TRIQK: variants seen among roughly 807,000 people sequenced by gnomAD.
The protein encoded by TRIQK is triple QxxK/R motif-containing protein.
A neutral mutation model predicts 10.8 loss-of-function variants in TRIQK; 10 were observed. The ratio of observed to expected loss-of-function variants is 0.92; its 90% CI spans 0.57 to 1.57. The LOEUF (loss-of-function observed/expected upper bound fraction) is 1.57, where lower values mean the gene tolerates loss of function less well. Among genes scored for constraint, TRIQK ranks in the 40% most tolerant of loss-of-function variants. TRIQK has a pLI of 0.00. For synonymous variants in TRIQK, 33 were observed against 33.7 expected (o/e 0.98, Z 0.07); for missense variants, 107 against 97.7 (o/e 1.09, Z -0.40).
chr8:92,921,238 G>C (rs1245347738), intron 2 of TRIQK, among the ~76,000 whole-genome samples: 1 of 151,618 alleles, frequency 6.6e-6, no homozygotes, highest in Non-Finnish European at 1.5e-5. Context: ...CCTTGGCTTG[G>C]AGCTAGAAGC....
chr8:92,995,182 T>C (rs928199281), intron 1 of TRIQK, among the ~76,000 whole-genome samples: 6 of 152,068 alleles, frequency 3.9e-5, no homozygotes, highest in African/African-American at 1.4e-4. Flanking sequence ...CTGAGAATTA[T>C]GTCTTTGCTA....
At chr8:92,935,035 C>A (rs1810912985) in intron 2 of TRIQK, among the ~76,000 whole-genome samples, 1 of 151,638 alleles carries the variant, frequency 6.6e-6, no homozygotes, top group African/African-American at 2.4e-5. Flanking sequence ...AAACAAAAAA[C>A]CAGAAGTTCT....
chr8:93,017,353 T>C (rs1813395581), intron 1 of TRIQK, among the ~76,000 whole-genome samples: 1 of 152,166 alleles, frequency 6.6e-6, no homozygotes, highest in African/African-American at 2.4e-5. Flanking sequence ...ACCTCTATTA[T>C]GATCAGGTCT....
At chr8:93,015,974 C>T (rs752695698) in intron 1 of TRIQK, among the ~76,000 whole-genome samples, 5 of 152,018 alleles carry the variant, frequency 3.3e-5, no homozygotes, top group Non-Finnish European at 7.4e-5. Context: ...CAGAACTTTC[C>T]TGAGCTATGC....
chr8:92,919,784 A>C (rs1810078375), intron 2 of TRIQK, among the ~76,000 whole-genome samples: 1 of 151,668 alleles, frequency 6.6e-6, no homozygotes, highest in African/African-American at 2.4e-5. Context: ...TCTTTGATGG[A>C]AGATTTTTTA....
chr8:92,908,059 G>A (rs145213225), intron 3 of TRIQK, among the ~76,000 whole-genome samples: 3 of 151,964 alleles, frequency 2.0e-5, no homozygotes. Context: ...TTTCATGGGA[G>A]CTTCCTTAGT....
At chr8:93,003,309 GGAGAGAGAGA>G (rs71565204) in intron 1 of TRIQK, among the ~76,000 whole-genome samples, 15 of 135,610 alleles carry the variant, frequency 1.1e-4, no homozygotes, top group Admixed American at 2.9e-4. Context: ...CCCGCTTACA[GGAGAGAGAGA>G]GAGAGAGAGA....
chr8:92,916,840 T>C (rs896411789), intron 3 of TRIQK, 89 bp downstream of exon 3: 9 of 946,032 alleles, frequency 9.5e-6, no homozygotes, highest in Non-Finnish European at 1.3e-5. Flanking sequence ...GTGTATCATA[T>C]GTATTAGAGA....
At chr8:93,006,952 C>T (rs1264047412) in intron 1 of TRIQK, among the ~76,000 whole-genome samples, 1 of 152,164 alleles carries the variant, frequency 6.6e-6, no homozygotes, top group African/African-American at 2.4e-5. Flanking sequence ...CTGGGCAGTT[C>T]CGACGAGTGG....
rs552084662 is a variant in TRIQK at position 92,896,547 on chromosome 8, C to T, written c.62-4473G>A. ...GAAAGAACCAGTCAAGAGACTCCAA[C>T]CTGTGAGAGCTGCTGGGTGGTTTGA... On this transcript the variant is annotated intron_variant, in intron 3 of 4. Coordinates refer to ENST00000521988, the MANE Select transcript of TRIQK (RefSeq NM_001171797.2). Among the ~76,000 whole-genome samples the T allele has an allele frequency of 8.5e-5, 13 of 152,280 alleles. No individual in the cohort carries two copies. In the South Asian group the frequency reaches 2.7e-3, roughly 32 times the overall value.
At chr8:92,975,292 G>A (rs996991227) in intron 1 of TRIQK, among the ~76,000 whole-genome samples, 1 of 152,156 alleles carries the variant, frequency 6.6e-6, no homozygotes, top group South Asian at 2.1e-4. Context: ...CTTAATTTTT[G>A]TGTAGAAATC....
At chr8:92,936,126 TA>T (rs1347341734) in intron 2 of TRIQK, among the ~76,000 whole-genome samples, 1 of 151,638 alleles carries the variant, frequency 6.6e-6, no homozygotes, top group Non-Finnish European at 1.5e-5. Context: ...TTCATAAGGC[TA>T]ATAGAATCTT....
chr8:92,951,894 T>C (rs1045674451), intron 2 of TRIQK, among the ~76,000 whole-genome samples: 3 of 152,044 alleles, frequency 2.0e-5, no homozygotes, highest in African/African-American at 7.2e-5. Flanking sequence ...GGGAAAACAC[T>C]TGTGAAGTTC....
At chr8:92,919,258 G>T (rs1288691953) in intron 2 of TRIQK, among the ~76,000 whole-genome samples, 1 of 151,888 alleles carries the variant, frequency 6.6e-6, no homozygotes, top group African/African-American at 2.4e-5. Flanking sequence ...TTTTTGTGGA[G>T]AATGTCATTG....
chr8:92,965,499 G>A (rs1316822320), intron 1 of TRIQK: 1 of 152,272 alleles, frequency 6.6e-6, no homozygotes, highest in Non-Finnish European at 1.5e-5. Context: ...GAGTGAAGAG[G>A]AGTACCATGG....
At chr8:92,918,432 T>C (rs937304696) in intron 2 of TRIQK, among the ~76,000 whole-genome samples, 9 of 152,204 alleles carry the variant, frequency 5.9e-5, no homozygotes, top group Non-Finnish European at 8.8e-5. Flanking sequence ...TAGGATGAGA[T>C]GATATCTCAC....
At chr8:92,991,991 A>T (rs1324249721) in intron 1 of TRIQK, among the ~76,000 whole-genome samples, 1 of 152,188 alleles carries the variant, frequency 6.6e-6, no homozygotes, top group African/African-American at 2.4e-5. Context: ...ACCACTGCTC[A>T]ACGAAATAAA....
At chr8:92,935,576 T>A (rs1810944878) in intron 2 of TRIQK, among the ~76,000 whole-genome samples, 1 of 151,450 alleles carries the variant, frequency 6.6e-6, no homozygotes. Flanking sequence ...ATAAAGCCCT[T>A]CAAATTACAA....
At chr8:92,890,376 G>A (rs1268250525) in intron 4 of TRIQK, among the ~76,000 whole-genome samples, 4 of 151,630 alleles carry the variant, frequency 2.6e-5, no homozygotes. Context: ...TTAAAAAGGA[G>A]CTATGTTCTG....
Sources: allele counts gnomAD v4.1 joint callset (sites outside exome capture counted in the v4.1 genomes callset), GRCh38; gene constraint gnomAD v4.1.1; transcripts MANE v1.5; gene names NCBI Gene and HGNC (gene_info 2026-07-23, HGNC 2026-07-21).